The following SEMA4D variants were observed in gnomAD, a reference collection of about 807,000 sequenced individuals.
SEMA4D encodes the protein semaphorin 4D.
In SEMA4D, 22 loss-of-function variants were observed where a neutral mutation model predicts 74.8. The ratio of observed to expected loss-of-function variants is 0.29; its 90% CI spans 0.21 to 0.42. The LOEUF (loss-of-function observed/expected upper bound fraction) is 0.42, where lower values mean the gene tolerates loss of function less well. SEMA4D is among the 10% of genes least tolerant of loss of function. The probability of loss-of-function intolerance (pLI) is 1.00; values close to 1 mark genes in which losing one functional copy is unlikely to be tolerated. For missense variants in SEMA4D, 937 were observed against 1,118.4 expected (o/e 0.84, Z 2.31); for synonymous variants, 445 against 463.7 (o/e 0.96, Z 0.52).
intron 9 of SEMA4D, among the ~76,000 whole-genome samples, chr9:89,390,820 C>G (rs868008996): frequency 2.0e-5 from 3 of 152,236 alleles, no homozygotes; most frequent in Middle Eastern, 3.4e-3. Flanking sequence ...TACAGTGTGT[C>G]ATTTTAAAGG....
chr9:89,363,174 T>C lies in SEMA4D; in HGVS notation c.2190+256A>G, dbSNP rs542631143. On this transcript the variant is annotated intron_variant, in intron 18 of 18. Transcript: ENST00000339861. ...CTAACTAGACAGCCCCACCTGTGAGTCCCTCCCAGTCTCGCCTCCCTTCAG... is the reference window on the plus strand; with the variant it reads ...CTAACTAGACAGCCCCACCTGTGAGCCCCTCCCAGTCTCGCCTCCCTTCAG... 5.3e-5 allele frequency among the ~76,000 whole-genome samples: 8 copies of C among 152,104 alleles called. No homozygotes were observed. The East Asian group carries it at 1.4e-3, about 26-fold the overall frequency.
chr9:89,449,552 A>C (rs1400592385), intron 2 of SEMA4D: 1 of 781,606 alleles, frequency 1.3e-6, no homozygotes, highest in Non-Finnish European at 2.3e-6. Context: ...TGGTGGTGGC[A>C]GGAAGATGTC....
At chr9:89,376,769 C>A (rs562859941), downstream of SEMA4D, 209 of 1,504,986 alleles carry the variant, frequency 1.4e-4, no homozygotes, top group Non-Finnish European at 1.8e-4. Flanking sequence ...TGCCCCCGCC[C>A]GCCCCCCACC....
chr9:89,402,350 G>A (rs114064738), intron 4 of SEMA4D, among the ~76,000 whole-genome samples: 1,526 of 152,286 alleles, frequency 0.01, 20 homozygotes, highest in African/African-American at 0.034. Context: ...TTGGGACAGC[G>A]TGGTTGCAAC....
intron 11 of SEMA4D, 125 bp from the exon 12 acceptor site, chr9:89,387,733 T>A (rs1234389318): frequency 1.3e-6 from 1 of 748,600 alleles, no homozygotes; most frequent in East Asian, 2.7e-5. Flanking sequence ...TGCCTTGAAA[T>A]GAGGGTAGCA....
intron 17 of SEMA4D, chr9:89,363,669 T>A: frequency 1.9e-6 from 3 of 1,593,828 alleles, no homozygotes; most frequent in Non-Finnish European, 2.6e-6. Flanking sequence ...TCCAGCTGTT[T>A]TTTTCACTGC....
chr9:89,449,613 C>A, intron 2 of SEMA4D: 1 of 1,109,648 alleles, frequency 9.0e-7, no homozygotes, highest in Non-Finnish European at 1.4e-6. Context: ...CTGGTCGTGA[C>A]CAACTATAAG....
intron 1 of SEMA4D, among the ~76,000 whole-genome samples, chr9:89,473,418 A>G (rs185669456): frequency 2.5e-4 from 38 of 151,482 alleles, no homozygotes; most frequent in Non-Finnish European, 4.6e-4. Context: ...AGAGGTCTAG[A>G]TGAGGTTTTA....
chr9:89,450,813 A>T, intron 2 of SEMA4D: 1 of 735,434 alleles, frequency 1.4e-6, no homozygotes, highest in East Asian at 2.5e-5. Flanking sequence ...ACCACACCCT[A>T]GACTCTGTGA....
intron 1 of SEMA4D, among the ~76,000 whole-genome samples, chr9:89,488,319 C>G (rs1364953487): frequency 1.4e-5 from 2 of 142,234 alleles, no homozygotes; most frequent in Non-Finnish European, 3.1e-5. Context: ...TTAGCTCTTT[C>G]CATTAAAAAT....
intron 16 of SEMA4D, chr9:89,367,003 A>C (rs1226976085): frequency 6.6e-6 from 1 of 152,168 alleles, no homozygotes; most frequent in South Asian, 2.1e-4. Flanking sequence ...AAAGCTCTAC[A>C]CTCTTGGGGT....
At chr9:89,475,133 A>G (rs1241717613) in intron 1 of SEMA4D, among the ~76,000 whole-genome samples, 1 of 152,202 alleles carries the variant, frequency 6.6e-6, no homozygotes, top group Non-Finnish European at 1.5e-5. Flanking sequence ...CTGCAGCTGG[A>G]GGACAGACCA....
intron 2 of SEMA4D, among the ~76,000 whole-genome samples, chr9:89,446,358 A>C (rs1046656722): frequency 1.3e-5 from 2 of 152,156 alleles, no homozygotes; most frequent in Admixed American, 1.3e-4. Context: ...TCACCCTCTC[A>C]GGCTCCAAGG....
chr9:89,398,813 T>A (rs4877080), intron 5 of SEMA4D, among the ~76,000 whole-genome samples: 34,891 of 152,040 alleles, frequency 0.23, 4,377 homozygotes, highest in Non-Finnish European at 0.28. Context: ...CTGCAAGAGG[T>A]TGAGCACAGC....
At position 89,371,978 on chromosome 9, in the gene SEMA4D, GTGTCTGGGGTGTGGTGTGTGTC is replaced by G. The variant is rs1564501839; in HGVS notation, c.1882+4833_1882+4854del. 1.3e-4 allele frequency among the ~76,000 whole-genome samples: 17 copies of G among 127,914 alleles called. 1 individual carries two copies. The highest frequency in any genetic ancestry group is 4.6e-4 in the African/African-American group (15 of 32,458). The allele number at this position is 127,914 out of a possible 152,430, so 83.9% of individuals were successfully genotyped here. A position where few individuals can be genotyped will look rare whatever the true frequency, so the allele number is the denominator to read the frequency against. Reference sequence around the variant, plus strand: ...GTGTGGTGTGTGTGGGGTGTGGTGTGTGTCTGGGGTGTGGTGTGTGTCTGGGGTGTGGTGTGTGTCTGGGGTG... The same window carrying G: ...GTGTGGTGTGTGTGGGGTGTGGTGTGTGGGGTGTGGTGTGTGTCTGGGGTG... On this transcript the variant is annotated intron_variant, in intron 16 of 18. Coordinates refer to the SEMA4D transcript ENST00000339861.
intron 2 of SEMA4D, among the ~76,000 whole-genome samples, chr9:89,423,198 T>C (rs1847331331): frequency 6.6e-6 from 1 of 152,130 alleles, no homozygotes; most frequent in African/African-American, 2.4e-5. Context: ...TTTTTTTTTT[T>C]TTTTTAAATT....
At chr9:89,452,676 C>T (rs1330754359) in intron 2 of SEMA4D, among the ~76,000 whole-genome samples, 1 of 152,002 alleles carries the variant, frequency 6.6e-6, no homozygotes, top group African/African-American at 2.4e-5. Context: ...TGGTCTTGAA[C>T]TCCCCACCTC....
At chr9:89,486,283 T>C (rs1340765411) in intron 1 of SEMA4D, among the ~76,000 whole-genome samples, 1 of 152,114 alleles carries the variant, frequency 6.6e-6, no homozygotes, top group Admixed American at 6.5e-5. Context: ...TGGAAAAGCC[T>C]AGAGGGATGG....
intron 1 of SEMA4D, among the ~76,000 whole-genome samples, chr9:89,497,098 T>A (rs1826078809): frequency 6.6e-6 from 1 of 152,122 alleles, no homozygotes. Flanking sequence ...CAGACTCCCA[T>A]TCACCCACTC....
Sources: allele counts gnomAD v4.1 joint callset (sites outside exome capture counted in the v4.1 genomes callset), GRCh38; gene constraint gnomAD v4.1.1; transcripts MANE v1.5; gene names NCBI Gene and HGNC (gene_info 2026-07-23, HGNC 2026-07-21).